OFD1: variants seen among roughly 807,000 people sequenced by gnomAD.
The protein encoded by OFD1 is OFD1 centriole and centriolar satellite protein, also known as centriole and centriolar satellite protein OFD1.
OFD1 carries 12 observed loss-of-function variants against 81.4 expected under a neutral mutation model. That is an observed-to-expected ratio of 0.15 (90% CI 0.09 to 0.24). OFD1 has a LOEUF of 0.24. Among genes scored for constraint, OFD1 ranks in the 10% least tolerant of loss-of-function variants. OFD1 has a pLI of 1.00. For missense variants in OFD1, 685 were observed against 733.9 expected (o/e 0.93, Z 0.77); for synonymous variants, 256 against 263.7 (o/e 0.97, Z 0.28).
intron 2 of OFD1, chrX:13,736,145 A>G: frequency 7.0e-6 from 6 of 861,358 alleles, no homozygotes; most frequent in Non-Finnish European, 8.5e-6. Flanking sequence ...ATTTTTTCCT[A>G]TACTTAATAT....
intron 12 of OFD1, among the ~76,000 whole-genome samples, chrX:13,755,891 T>G (rs889998391): frequency 9.1e-6 from 1 of 109,393 alleles, no homozygotes; most frequent in African/African-American, 3.3e-5. Context: ...TGAGATATAC[T>G]AAGAAAAGGG....
Position 13,767,117 on chromosome X carries a change from G to T in OFD1, c.2600-10G>T. 1 of 1,203,763 alleles carries T rather than the reference G, an allele frequency of 8.3e-7. No individual in the cohort carries two copies. Among genetic ancestry groups the T allele is most frequent in the Non-Finnish European group, 1.1e-6 (1 of 889,208 alleles). ...TACTGGAAGCTACTCTTTATTTTCT[G>T]TCCTATTAGGTGTAGATCAGAAACA... On this transcript the variant is annotated splice_polypyrimidine_tract_variant and intron_variant, in intron 19 of 22. Coordinates refer to ENST00000340096, the MANE Select transcript of OFD1 (RefSeq NM_003611.3).
intron 5 of OFD1, among the ~76,000 whole-genome samples, chrX:13,743,143 T>A (rs1248523259): frequency 8.9e-6 from 1 of 112,454 alleles, no homozygotes; most frequent in Non-Finnish European, 1.9e-5. Context: ...AATCTCACGC[T>A]CCACTGATAA....
At chrX:13,717,034 T>TAAAAAAAAA in the OFD1 span, among the ~76,000 whole-genome samples, 6 of 37,940 alleles carry the variant, frequency 1.6e-4, no homozygotes, top group South Asian at 2.4e-3. Context: ...GATACTATGT[T>TAAAAAAAAA]AAAAAAAAAA....
At position 13,757,806 on chromosome X, in the gene OFD1, CT is replaced by C; in HGVS notation, c.1542+18del. The C allele has an allele frequency of 8.3e-7, 1 of 1,208,780 alleles. No homozygotes were observed. Among genetic ancestry groups the C allele is most frequent in the Middle Eastern group, 2.3e-4 (1 of 4,345 alleles). The stretch of plus-strand genomic sequence containing the variant: ...GCAAGACGAAGTGAGTATTGCTCTT[CT>C]TCAGTTCTAGTGTGATACCAGTACA... On this transcript the variant is annotated intron_variant, in intron 14 of 22. Transcript: ENST00000340096.
chrX:13,761,346 C>G (rs1015941631), intron 17 of OFD1, 135 bp downstream of exon 17: 164 of 655,467 alleles, frequency 2.5e-4, no homozygotes, highest in Non-Finnish European at 3.7e-4. Context: ...AATTTGCAAT[C>G]AGATTGCAAA....
At chrX:13,740,213 G>A (rs2047037218) in intron 5 of OFD1, 1 of 909,738 alleles carries the variant, frequency 1.1e-6, no homozygotes, top group African/African-American at 2.1e-5. Flanking sequence ...AGTTCAGTAT[G>A]GTAAATGATC....
chrX:13,724,005 C>A, the OFD1 span, among the ~76,000 whole-genome samples: 1 of 111,683 alleles, frequency 9.0e-6, no homozygotes, highest in Non-Finnish European at 1.9e-5. Context: ...GGGGAAGTGA[C>A]AGAAGAATGG....
intron 5 of OFD1, among the ~76,000 whole-genome samples, chrX:13,743,689 TCAG>T (rs1199791548): frequency 8.9e-6 from 1 of 112,307 alleles, no homozygotes; most frequent in African/African-American, 3.2e-5. Context: ...TCATGTTTAT[TCAG>T]CATCTAAAAA....
the OFD1 span, among the ~76,000 whole-genome samples, chrX:13,722,676 G>T: frequency 8.9e-6 from 1 of 111,862 alleles, no homozygotes; most frequent in Non-Finnish European, 1.9e-5. Flanking sequence ...CACACGCTAG[G>T]ATTCTGCGCT....
At chrX:13,743,864 T>C in intron 5 of OFD1, among the ~76,000 whole-genome samples, 1 of 112,090 alleles carries the variant, frequency 8.9e-6, no homozygotes, top group Middle Eastern at 4.6e-3. Flanking sequence ...GCAACTATTT[T>C]TCCCAGTGTG....
At chrX:13,714,987 C>T in the OFD1 span, among the ~76,000 whole-genome samples, 2 of 112,190 alleles carry the variant, frequency 1.8e-5, no homozygotes, top group Admixed American at 1.9e-4. Context: ...TAACGCATGA[C>T]AGAAAATCAT....
chrX:13,752,744 C>G, intron 10 of OFD1: 2 of 971,858 alleles, frequency 2.1e-6, no homozygotes, highest in Non-Finnish European at 2.6e-6. Flanking sequence ...TTTGGGAATC[C>G]TCATATGACT....
upstream of OFD1, among the ~76,000 whole-genome samples, chrX:13,731,429 G>C (rs1025921927): frequency 8.9e-6 from 1 of 112,354 alleles, no homozygotes; most frequent in Non-Finnish European, 1.9e-5. Flanking sequence ...ACTCCTGGTT[G>C]TACTAGAACA....
chrX:13,758,377 A>G lies in OFD1; in HGVS notation c.1583A>G (p.Tyr528Cys). Residue 528 changes from tyrosine (Y) to cysteine (C), a missense_variant, in exon 15 of 23, where the codon TAC becomes TGC. Physicochemically the swap from Tyr to Cys is radical, Grantham distance 194. Coordinates refer to ENST00000340096, the MANE Select transcript of OFD1 (RefSeq NM_003611.3). ...SAQLKAQILG[Y>C]KASVKSLTTQ... ...CAGCTGAAGGCCCAGATTCTAGGTT[A>G]CAAAGCTTCTGTAAAGAGTTTAACT... The G allele has an allele frequency of 8.3e-7, 1 of 1,208,648 alleles. No homozygotes were observed. The highest frequency in any genetic ancestry group is 1.1e-6 in the Non-Finnish European group (1 of 892,829).
At chrX:13,756,512 C>A in intron 12 of OFD1, 66 bp from the exon 13 acceptor site, 1 of 906,936 alleles carries the variant, frequency 1.1e-6, no homozygotes, top group Non-Finnish European at 1.6e-6. Flanking sequence ...AGGAGCCTGC[C>A]AGCTTTTACT....
chrX:13,737,152 T>C (rs1279767411), intron 3 of OFD1, among the ~76,000 whole-genome samples: 2 of 94,563 alleles, frequency 2.1e-5, no homozygotes, highest in Non-Finnish European at 4.2e-5. Flanking sequence ...AGCTCTTTTT[T>C]TCCTGCACTA....
At chrX:13,716,658 G>A in the OFD1 span, 193 of 1,210,379 alleles carry the variant, frequency 1.6e-4, no homozygotes, top group South Asian at 3.4e-3. Context: ...CTATGAACTG[G>A]TTCAGATGAC....
chrX:13,747,658 A>T (rs948408034), intron 8 of OFD1, among the ~76,000 whole-genome samples: 7 of 111,672 alleles, frequency 6.3e-5, no homozygotes, highest in Admixed American at 2.8e-4. Context: ...ATCTGGATAG[A>T]CTGGTAGGTG....
Sources: allele counts gnomAD v4.1 joint callset (sites outside exome capture counted in the v4.1 genomes callset), GRCh38; gene constraint gnomAD v4.1.1; transcripts MANE v1.5; gene names NCBI Gene and HGNC (gene_info 2026-07-23, HGNC 2026-07-21).